UBR4: variants seen among roughly 807,000 people sequenced by gnomAD.
The protein encoded by UBR4 is ubiquitin protein ligase E3 component n-recognin 4.
Under a neutral mutation model 575.6 loss-of-function variants are expected in UBR4, and 124 were observed. That is an observed-to-expected ratio of 0.22 (90% CI 0.19 to 0.25). The LOEUF is 0.25. UBR4 is among the 10% of genes least tolerant of loss of function. The probability of loss-of-function intolerance (pLI) is 1.00; values close to 1 mark genes in which losing one functional copy is unlikely to be tolerated. For missense variants in UBR4, 4,818 were observed against 6,478.8 expected (o/e 0.74, Z 8.80); for synonymous variants, 2,455 against 2,473.7 (o/e 0.99, Z 0.22).
At chr1:19,193,934 C>A (rs915512776) in intron 8 of UBR4, among the ~76,000 whole-genome samples, 1 of 152,092 alleles carries the variant, frequency 6.6e-6, no homozygotes, top group African/African-American at 2.4e-5. Context: ...GAGAAAGAAG[C>A]CAATCTGAAA....
intron 26 of UBR4, 35 bp from the exon 27 acceptor site, chr1:19,169,567 AG>A: frequency 6.3e-7 from 1 of 1,585,796 alleles, no homozygotes; most frequent in Non-Finnish European, 8.6e-7. Context: ...AATCATCACA[AG>A]AAAGAAGGAA....
intron 101 of UBR4, among the ~76,000 whole-genome samples, chr1:19,085,842 C>T (rs1229399682): frequency 1.3e-5 from 2 of 152,208 alleles, no homozygotes; most frequent in East Asian, 1.9e-4. Context: ...GTTGGCCCCA[C>T]ATCTTCTGTC....
At chr1:19,195,336 T>A (rs1405114254) in intron 8 of UBR4, among the ~76,000 whole-genome samples, 1 of 150,882 alleles carries the variant, frequency 6.6e-6, no homozygotes, top group African/African-American at 2.4e-5. Flanking sequence ...ATTTTAAGAT[T>A]ATGAAAAAAA....
intron 66 of UBR4, 125 bp from the exon 67 acceptor site, chr1:19,122,137 G>A (rs1430393439): frequency 1.1e-6 from 1 of 920,240 alleles, no homozygotes; most frequent in East Asian, 2.6e-5. Flanking sequence ...TTCTGAGCAA[G>A]GCAGATGCTT....
In UBR4 at chr1:19,123,019, G is replaced by A; in HGVS notation, c.9630C>T (p.Val3210=). ...IQQTPFVRRQ[V]RKLLLFICGS... The stretch of plus-strand genomic sequence containing the variant: ...CACAGATGAAGAGCAGAAGTTTGCG[G>A]ACTTGACGGCGCACAAATGGAGTCT... The change falls in exon 66 of 106, where the codon GTC becomes GTT. Residue 3210 remains valine (V), a synonymous_variant. Transcript: ENST00000375254. The A allele has an allele frequency of 6.2e-7, 1 of 1,614,210 alleles. No homozygotes were observed. The highest frequency in any genetic ancestry group is 1.3e-5 in the African/African-American group (1 of 75,064).
chr1:19,187,267 C>T lies in UBR4; in HGVS notation c.1529G>A (p.Ser510Asn). ...WETDGPPAAL[S>N]IMAQSTSIQR... ...TATGGAGGTGCTCTGGGCCATAATG[C>T]TCAAGGCTGCAGGGGGGCCATCTGT... The change falls in exon 13 of 106, where the codon AGC (serine) becomes AAC (asparagine). Residue 510 changes from serine (S) to asparagine (N), a missense_variant. Around this residue, in one of 29 missense-constraint regions of UBR4, gnomAD observed 162 missense variants for 216.4 expected, o/e 0.75. Coordinates refer to ENST00000375254, the MANE Select transcript of UBR4 (RefSeq NM_020765.3). 2.5e-6 allele frequency: 4 copies of T among 1,613,922 alleles called. No individual in the cohort carries two copies. In the South Asian group the frequency reaches 3.3e-5, roughly 13 times the overall value.
rs2085953919 is a variant in UBR4, at chr1:19,153,063, A to C, written c.6832+238T>G. Among the ~76,000 whole-genome samples, 1 of 152,262 alleles carries C rather than the reference A, an allele frequency of 6.6e-6. No homozygotes were observed. The highest frequency in any genetic ancestry group is 6.5e-5 in the Admixed American group (1 of 15,288). On this transcript the variant is annotated intron_variant, in intron 46 of 105. Coordinates refer to ENST00000375254, the MANE Select transcript of UBR4 (RefSeq NM_020765.3). The surrounding 1 kb of genome is among the most constrained non-coding windows in gnomAD (Gnocchi z 4.1). ...TAAACCTAGAGAGAACAATCTCTCA[A>C]ATAAGGTCCAGGACATAACTCGTTA...
intron 22 of UBR4, 23 bp downstream of exon 22, chr1:19,174,296 T>G (rs1317216714): frequency 1.3e-6 from 2 of 1,594,596 alleles, no homozygotes; most frequent in Non-Finnish European, 1.7e-6. Context: ...ACCCAAAGAC[T>G]TCTCAGGGTT....
intron 103 of UBR4, chr1:19,079,823 G>C (rs546580465): frequency 2.0e-5 from 3 of 152,344 alleles, no homozygotes; most frequent in African/African-American, 4.8e-5. Flanking sequence ...TGTGGCTGTT[G>C]TGCTTTGGTA....
intron 102 of UBR4, among the ~76,000 whole-genome samples, chr1:19,083,625 C>T (rs2076736161): frequency 6.6e-6 from 1 of 152,244 alleles, no homozygotes; most frequent in Non-Finnish European, 1.5e-5. Context: ...GCCTCAACCT[C>T]CTTGGCTCAA....
At chr1:19,177,773 G>T in intron 18 of UBR4, 30 bp from the exon 19 acceptor site, 1 of 1,599,052 alleles carries the variant, frequency 6.3e-7, no homozygotes, top group South Asian at 1.1e-5. Context: ...ACTATATCTG[G>T]TGGGAAAAAG....
At chr1:19,137,366 T>G (rs998027502) in intron 60 of UBR4, among the ~76,000 whole-genome samples, 2 of 152,126 alleles carry the variant, frequency 1.3e-5, no homozygotes, top group Non-Finnish European at 1.5e-5. Flanking sequence ...CTCAACAAAT[T>G]CAACAAACAT....
chr1:19,190,918 G>A (rs111490319), intron 11 of UBR4, among the ~76,000 whole-genome samples: 10 of 152,220 alleles, frequency 6.6e-5, no homozygotes, highest in Middle Eastern at 3.4e-3. Context: ...CCTTCTAACA[G>A]TTACTGACTG....
intron 70 of UBR4, among the ~76,000 whole-genome samples, 198 bp from the exon 71 acceptor site, chr1:19,119,155 A>G (rs1423699489): frequency 6.6e-6 from 1 of 152,218 alleles, no homozygotes; most frequent in Non-Finnish European, 1.5e-5. Flanking sequence ...AGCTTTAGTG[A>G]TAGGTAGTAC....
At position 19,088,036 on chromosome 1, in the gene UBR4, G is replaced by T; in HGVS notation, c.14431-107C>A. On this transcript the variant is annotated intron_variant, in intron 98 of 105. Transcript: ENST00000375254. The surrounding 1 kb of genome is among the most constrained non-coding windows in gnomAD (Gnocchi z 4.0). Reference sequence around the variant, plus strand: ...GCTAACCTTCTACCTCCACTAAAAGGACAGGTGCATGAGAGGAAAGCCCTT... The same window carrying T: ...GCTAACCTTCTACCTCCACTAAAAGTACAGGTGCATGAGAGGAAAGCCCTT... 1 of 817,994 alleles carries T rather than the reference G, an allele frequency of 1.2e-6. No homozygotes were observed. The highest frequency in any genetic ancestry group is 2.0e-6 in the Non-Finnish European group (1 of 493,100). The allele number at this position is 817,994 out of a possible 1,614,324, so 50.7% of individuals were successfully genotyped here.
At chr1:19,209,406 A>G (rs1333892099) in intron 1 of UBR4, among the ~76,000 whole-genome samples, 1 of 152,262 alleles carries the variant, frequency 6.6e-6, no homozygotes, top group East Asian at 1.9e-4. Flanking sequence ...AACACACAAA[A>G]GGAAACCAAC....
Position 19,165,760 on chromosome 1 carries a change from G to A in UBR4, c.4110-3C>T. On this transcript the variant is annotated splice_region_variant and splice_polypyrimidine_tract_variant and intron_variant, in intron 29 of 105. Transcript: ENST00000375254. The stretch of plus-strand genomic sequence containing the variant: ...CCAGGATGGATTCATCCAGTCCACT[G>A]AGGATCAAACGGAAAACTTAACCAC... 2 of 1,610,598 alleles carry A rather than the reference G, an allele frequency of 1.2e-6. No individual in the cohort carries two copies. The highest frequency in any genetic ancestry group is 8.5e-7 in the Non-Finnish European group (1 of 1,178,870).
chr1:19,158,085 T>C (rs2086689241), intron 39 of UBR4, 88 bp from the exon 40 acceptor site: 1 of 1,394,506 alleles, frequency 7.2e-7, no homozygotes, highest in African/African-American at 1.4e-5. Flanking sequence ...CCTGAGACAC[T>C]GCACAATTCA....
At chr1:19,083,478 G>A (rs1287257838) in intron 102 of UBR4, among the ~76,000 whole-genome samples, 1 of 152,220 alleles carries the variant, frequency 6.6e-6, no homozygotes, top group Non-Finnish European at 1.5e-5. Flanking sequence ...GCTAGGAGAT[G>A]GGGCCTACAA....
Sources: allele counts gnomAD v4.1 joint callset (sites outside exome capture counted in the v4.1 genomes callset), GRCh38; gene constraint gnomAD v4.1.1; regional missense constraint gnomAD v4.1.1; non-coding constraint Gnocchi (gnomAD v3.1); transcripts MANE v1.5; gene names NCBI Gene and HGNC (gene_info 2026-07-23, HGNC 2026-07-21).